The following ZHX2 variants were observed in gnomAD, a reference collection of about 807,000 sequenced individuals.
ZHX2 encodes zinc fingers and homeoboxes protein 2.
In ZHX2, 6 loss-of-function variants were observed where a neutral mutation model predicts 21.9. The observed-to-expected ratio is 0.27, with a 90% confidence interval of 0.15 to 0.54. The LOEUF (loss-of-function observed/expected upper bound fraction) is 0.54, where lower values mean the gene tolerates loss of function less well. Among genes scored for constraint, ZHX2 ranks in the 20% least tolerant of loss-of-function variants. The pLI is 0.95. For missense variants in ZHX2, 908 were observed against 1,090.7 expected (o/e 0.83, Z 2.36); for synonymous variants, 434 against 437.1 (o/e 0.99, Z 0.09).
intron 1 of ZHX2, among the ~76,000 whole-genome samples, chr8:122,852,882 C>T (rs1261003313): frequency 6.6e-6 from 1 of 152,076 alleles, no homozygotes; most frequent in African/African-American, 2.4e-5. Context: ...GCATGTGTCC[C>T]CTCATTCACT....
At chr8:122,881,170 TC>T (rs1185168310) in intron 2 of ZHX2, among the ~76,000 whole-genome samples, 2 of 152,200 alleles carry the variant, frequency 1.3e-5, no homozygotes, top group African/African-American at 4.8e-5. Flanking sequence ...CGGGCCCTCC[TC>T]CCTCATCCTG....
intron 2 of ZHX2, among the ~76,000 whole-genome samples, chr8:122,889,028 AT>A (rs1392178842): frequency 6.6e-6 from 1 of 152,222 alleles, no homozygotes; most frequent in African/African-American, 2.4e-5. Context: ...TTCACTTAAC[AT>A]AATGTTCCCA....
At chr8:122,883,442 T>C (rs1010237461) in intron 2 of ZHX2, among the ~76,000 whole-genome samples, 1 of 152,152 alleles carries the variant, frequency 6.6e-6, no homozygotes, top group African/African-American at 2.4e-5. Flanking sequence ...AGCTGACCCA[T>C]CACTTCTTGA....
At chr8:122,835,528 G>T (rs368079839) in intron 1 of ZHX2, among the ~76,000 whole-genome samples, 1 of 152,196 alleles carries the variant, frequency 6.6e-6, no homozygotes, top group African/African-American at 2.4e-5. Context: ...AGTGGATACT[G>T]CTTACTGAGA....
At chr8:122,928,009 C>T (rs556254545) in intron 2 of ZHX2, among the ~76,000 whole-genome samples, 2 of 152,296 alleles carry the variant, frequency 1.3e-5, no homozygotes, top group East Asian at 1.9e-4. Context: ...TTCCCCTCTC[C>T]TCTCCCCGCT....
intron 2 of ZHX2, among the ~76,000 whole-genome samples, chr8:122,899,663 T>A (rs1236356958): frequency 6.6e-6 from 1 of 152,164 alleles, no homozygotes; most frequent in African/African-American, 2.4e-5. Context: ...GTATTGTGTC[T>A]TACCCTCCTC....
chr8:122,839,695 G>A (rs1563749447), intron 1 of ZHX2, among the ~76,000 whole-genome samples: 1 of 152,170 alleles, frequency 6.6e-6, no homozygotes, highest in Non-Finnish European at 1.5e-5. Flanking sequence ...CCCAGGATAT[G>A]GTGGCACGGG....
chr8:122,878,072 CTGTG>C (rs34978922), intron 2 of ZHX2, among the ~76,000 whole-genome samples: 5,643 of 150,630 alleles, frequency 0.037, 352 homozygotes, highest in African/African-American at 0.13. Flanking sequence ...GGTAAAAGTT[CTGTG>C]TGTGTGTGTG....
chr8:122,921,060 T>G (rs548942882), intron 2 of ZHX2, among the ~76,000 whole-genome samples: 5 of 143,424 alleles, frequency 3.5e-5, no homozygotes, highest in South Asian at 2.1e-4. Context: ...GAAGGACATG[T>G]TTTTTTTTGG....
chr8:122,786,717 C>T (rs1490513381), intron 1 of ZHX2, among the ~76,000 whole-genome samples: 2 of 151,876 alleles, frequency 1.3e-5, no homozygotes, highest in African/African-American at 4.8e-5. Flanking sequence ...CCTTCTGCCT[C>T]CCCCCACCCC....
intron 2 of ZHX2, among the ~76,000 whole-genome samples, chr8:122,912,267 C>A (rs539449999): frequency 6.6e-6 from 1 of 152,304 alleles, no homozygotes; most frequent in Admixed American, 6.5e-5. Flanking sequence ...CTGGGAGAGC[C>A]TTTTCAATGC....
At chr8:122,817,797 T>A (rs1046213032) in intron 1 of ZHX2, among the ~76,000 whole-genome samples, 3 of 152,158 alleles carry the variant, frequency 2.0e-5, no homozygotes, top group African/African-American at 7.2e-5. Flanking sequence ...AGATGGCCTG[T>A]GGACACTTTC....
intron 3 of ZHX2, among the ~76,000 whole-genome samples, chr8:122,961,109 G>A (rs775251541): frequency 7.2e-5 from 11 of 152,226 alleles, no homozygotes; most frequent in Non-Finnish European, 1.6e-4. Context: ...TTTTCTCACA[G>A]TTCTGGAGAC....
chr8:122,943,211 A>G (rs956087050), intron 2 of ZHX2, among the ~76,000 whole-genome samples: 1 of 152,116 alleles, frequency 6.6e-6, no homozygotes, highest in Non-Finnish European at 1.5e-5. Context: ...GCGGTGAGCC[A>G]AGATCGCACC....
At chr8:122,784,535 G>A (rs1279961404) in intron 1 of ZHX2, among the ~76,000 whole-genome samples, 3 of 152,170 alleles carry the variant, frequency 2.0e-5, no homozygotes, top group Non-Finnish European at 4.4e-5. Flanking sequence ...GCAGAAAAGA[G>A]GGAACAGTAG....
chr8:122,858,634 C>A (rs370068784), intron 1 of ZHX2, among the ~76,000 whole-genome samples: 3 of 124,058 alleles, frequency 2.4e-5, no homozygotes, highest in Admixed American at 1.6e-4. Context: ...TTTTTTCTTT[C>A]TTTCTTTTTT....
upstream of ZHX2, chr8:122,780,927 G>A (rs11777561): frequency 0.23 from 34,472 of 152,188 alleles, 4,900 homozygotes; most frequent in Non-Finnish European, 0.31. Flanking sequence ...ACCAGCCTCA[G>A]ACCTGGCGCG....
intron 1 of ZHX2, among the ~76,000 whole-genome samples, chr8:122,805,417 G>A (rs1817802902): frequency 6.6e-6 from 1 of 152,154 alleles, no homozygotes; most frequent in Non-Finnish European, 1.5e-5. Context: ...AAATCTGAGT[G>A]ACCCCCCACC....
intron 3 of ZHX2, among the ~76,000 whole-genome samples, chr8:122,972,321 C>T (rs1218513712): frequency 2.0e-5 from 3 of 152,150 alleles, no homozygotes; most frequent in Non-Finnish European, 4.4e-5. Flanking sequence ...ACCATTCCAC[C>T]TATAATAAGG....
Sources: allele counts gnomAD v4.1 joint callset (sites outside exome capture counted in the v4.1 genomes callset), GRCh38; gene constraint gnomAD v4.1.1; transcripts MANE v1.5; gene names NCBI Gene and HGNC (gene_info 2026-07-23, HGNC 2026-07-21).